KCNAB1: variants seen among roughly 807,000 people sequenced by gnomAD.
KCNAB1 encodes the protein potassium voltage-gated channel subfamily A regulatory beta subunit 1.
In KCNAB1, 35 loss-of-function variants were observed where a neutral mutation model predicts 64.6. That is an observed-to-expected ratio of 0.54 (90% CI 0.41 to 0.72). The LOEUF (loss-of-function observed/expected upper bound fraction) is 0.72, where lower values mean the gene tolerates loss of function less well. Ranked by LOEUF, KCNAB1 falls within the 30% of genes least tolerant of loss-of-function variation. The pLI is 0.00. For synonymous variants in KCNAB1, 177 were observed against 183.8 expected (o/e 0.96, Z 0.30); for missense variants, 401 against 512.9 (o/e 0.78, Z 2.11).
At chr3:156,383,465 G>C (rs578247957) in intron 1 of KCNAB1, among the ~76,000 whole-genome samples, 2 of 152,160 alleles carry the variant, frequency 1.3e-5, no homozygotes, top group African/African-American at 4.8e-5. Context: ...CCACTCTTAG[G>C]ATAAATACCC....
chr3:156,474,256 A>T lies in KCNAB1; in HGVS notation c.572-478A>T, dbSNP rs78097726. Among the ~76,000 whole-genome samples, 795 of 152,274 alleles carry T rather than the reference A, an allele frequency of 5.2e-3. 16 individuals carry two copies. The highest frequency in any genetic ancestry group is 0.045 in the East Asian group (233 of 5,184). On this transcript the variant is annotated intron_variant, in intron 7 of 13. Transcript: ENST00000490337. ...TATTAAAACCAACATTTACATTAAG[A>T]TGGGGTTGGGGCAGTCATTTATTTC...
chr3:156,371,996 T>C (rs1405685584), intron 1 of KCNAB1, among the ~76,000 whole-genome samples: 1 of 152,242 alleles, frequency 6.6e-6, no homozygotes, highest in East Asian at 1.9e-4. Context: ...TTGTTCATTA[T>C]AAGCAAATAG....
intron 3 of KCNAB1, among the ~76,000 whole-genome samples, chr3:156,454,833 T>A (rs1712275368): frequency 6.6e-6 from 1 of 152,158 alleles, no homozygotes; most frequent in Non-Finnish European, 1.5e-5. Flanking sequence ...TAAAGTGCAT[T>A]ATTTCCCCCT....
chr3:156,232,454 G>A lies in KCNAB1; in HGVS notation c.275+111568G>A, dbSNP rs186774809. The stretch of plus-strand genomic sequence containing the variant: ...TATTTGCTTCTGTCCTGATGCTTTC[G>A]CACAGGCAGGCCAATTAGTTTCTTG... On this transcript the variant is annotated intron_variant, in intron 1 of 13. Coordinates refer to ENST00000490337, the MANE Select transcript of KCNAB1 (RefSeq NM_172160.3). 2.0e-3 allele frequency among the ~76,000 whole-genome samples: 300 copies of A among 152,286 alleles called. 2 individuals carry two copies. The highest frequency in any genetic ancestry group is 6.7e-3 in the African/African-American group (280 of 41,570).
intron 1 of KCNAB1, chr3:156,291,784 A>G: frequency 1.3e-5 from 19 of 1,519,906 alleles, no homozygotes; most frequent in Non-Finnish European, 1.7e-5. Flanking sequence ...CTCTGACGGC[A>G]TCCCCAGGAA....
At chr3:156,259,886 ATTCTC>A (rs1718325796) in intron 1 of KCNAB1, among the ~76,000 whole-genome samples, 1 of 152,160 alleles carries the variant, frequency 6.6e-6, no homozygotes, top group Non-Finnish European at 1.5e-5. Context: ...CTCTGCAGCC[ATTCTC>A]CACTATTGCT....
chr3:156,334,426 C>T (rs184218528), intron 1 of KCNAB1, among the ~76,000 whole-genome samples: 34 of 151,942 alleles, frequency 2.2e-4, no homozygotes, highest in African/African-American at 7.0e-4. Context: ...TCTTTCCTAT[C>T]GGATCTTACT....
intron 1 of KCNAB1, among the ~76,000 whole-genome samples, chr3:156,364,835 A>G (rs1159131790): frequency 1.3e-5 from 2 of 152,198 alleles, no homozygotes; most frequent in Non-Finnish European, 2.9e-5. Context: ...AAATAAGCAC[A>G]GACACTTGAA....
intron 1 of KCNAB1, among the ~76,000 whole-genome samples, chr3:156,231,126 C>G (rs1716495913): frequency 1.3e-5 from 2 of 152,168 alleles, no homozygotes; most frequent in African/African-American, 4.8e-5. Context: ...CAGCAATATT[C>G]AAGACTTGCA....
At chr3:156,124,892 C>A (rs1211289762) in intron 1 of KCNAB1, among the ~76,000 whole-genome samples, 1 of 152,082 alleles carries the variant, frequency 6.6e-6, no homozygotes, top group East Asian at 1.9e-4. Flanking sequence ...GTAATACCAG[C>A]ACTTTGGGAG....
chr3:156,485,077 T>C (rs945486126), intron 8 of KCNAB1, among the ~76,000 whole-genome samples: 1 of 152,162 alleles, frequency 6.6e-6, no homozygotes, highest in African/African-American at 2.4e-5. Context: ...TTTGAGGTTG[T>C]TGTTGTTACA....
intron 1 of KCNAB1, among the ~76,000 whole-genome samples, chr3:156,188,322 A>G (rs1224337822): frequency 6.6e-6 from 1 of 152,108 alleles, no homozygotes; most frequent in Non-Finnish European, 1.5e-5. Flanking sequence ...TTAATTTCTC[A>G]GCATTTTAGT....
intron 1 of KCNAB1, among the ~76,000 whole-genome samples, chr3:156,315,631 A>G (rs1390803510): frequency 6.6e-6 from 1 of 152,106 alleles, no homozygotes; most frequent in African/African-American, 2.4e-5. Flanking sequence ...CATGACTACT[A>G]TGTATTTGTA....
chr3:156,489,926 C>A (rs73873402), intron 8 of KCNAB1, among the ~76,000 whole-genome samples: 11,041 of 152,070 alleles, frequency 0.073, 764 homozygotes, highest in African/African-American at 0.18. Context: ...GGACCAGGAA[C>A]AAGGTAGTTC....
chr3:156,147,026 A>G (rs754285306), intron 1 of KCNAB1, among the ~76,000 whole-genome samples: 36 of 152,230 alleles, frequency 2.4e-4, no homozygotes, highest in Non-Finnish European at 4.7e-4. Flanking sequence ...AAAGATAAAA[A>G]TAAATTACAA....
At chr3:156,121,165 A>T (rs964469776) in intron 1 of KCNAB1, among the ~76,000 whole-genome samples, 2 of 152,220 alleles carry the variant, frequency 1.3e-5, no homozygotes, top group Non-Finnish European at 2.9e-5. Context: ...TTCTTAAGTA[A>T]AAATCAGAGG....
intron 1 of KCNAB1, among the ~76,000 whole-genome samples, chr3:156,253,103 T>G (rs1237682916): frequency 6.6e-6 from 1 of 152,322 alleles, no homozygotes; most frequent in East Asian, 1.9e-4. Context: ...TAGCATAATT[T>G]TAACTAAATC....
intron 1 of KCNAB1, among the ~76,000 whole-genome samples, chr3:156,371,991 C>T (rs1322590169): frequency 6.6e-6 from 1 of 152,026 alleles, no homozygotes; most frequent in Non-Finnish European, 1.5e-5. Context: ...TTTTTTTGTT[C>T]ATTATAAGCA....
intron 1 of KCNAB1, among the ~76,000 whole-genome samples, chr3:156,406,534 A>T (rs1376258985): frequency 3.3e-5 from 5 of 152,120 alleles, no homozygotes; most frequent in African/African-American, 1.2e-4. Context: ...GAATAAGAAC[A>T]TGTGAGAAAA....
Sources: gnomAD v4.1 joint callset for allele counts (sites outside exome capture counted in the v4.1 genomes callset) on GRCh38, gnomAD v4.1.1 for gene constraint, MANE v1.5 for transcripts, NCBI Gene and HGNC (gene_info 2026-07-23, HGNC 2026-07-21) for gene names.